The following ADAR variants were observed in gnomAD, a reference collection of about 807,000 sequenced individuals.
The protein encoded by ADAR is adenosine deaminase RNA specific.
In ADAR, 41 loss-of-function variants were observed where a neutral mutation model predicts 113.2. The ratio of observed to expected loss-of-function variants is 0.36; its 90% CI spans 0.28 to 0.47. ADAR has a LOEUF of 0.47. Among genes scored for constraint, ADAR ranks in the 20% least tolerant of loss-of-function variants. The probability of loss-of-function intolerance (pLI) is 1.00; values close to 1 mark genes in which losing one functional copy is unlikely to be tolerated. For synonymous variants in ADAR, 605 were observed against 572.6 expected, an observed-to-expected ratio of 1.06 and a Z score of -0.81; for missense variants, 1,242 against 1,540.9, an observed-to-expected ratio of 0.81 and a Z score of 3.25.
intron 6 of ADAR, among the ~76,000 whole-genome samples, chr1:154,591,410 A>G (rs1385512372): frequency 6.6e-6 from 1 of 152,264 alleles, no homozygotes; most frequent in Non-Finnish European, 1.5e-5. Flanking sequence ...GGTCGGCCTT[A>G]GGCCAGGGAC....
At chr1:154,618,271 C>T (rs1698689092) in intron 1 of ADAR, among the ~76,000 whole-genome samples, 1 of 151,790 alleles carries the variant, frequency 6.6e-6, no homozygotes, top group Non-Finnish European at 1.5e-5. Context: ...TGGAAAATTA[C>T]AAAACTCTGC....
chr1:154,598,132 TC>T (rs1697627592), intron 3 of ADAR, among the ~76,000 whole-genome samples, 156 bp from the exon 4 acceptor site: 1 of 152,204 alleles, frequency 6.6e-6, no homozygotes, highest in African/African-American at 2.4e-5. Flanking sequence ...TCATTCCGCA[TC>T]TTCCAAGAGA....
Position 154,589,802 on chromosome 1 carries a change from T to C in ADAR, c.2623A>G (p.Lys875Glu). The C allele has an allele frequency of 1.9e-6, 3 of 1,614,084 alleles. No homozygotes were observed. Among genetic ancestry groups the C allele is most frequent in the Non-Finnish European group, 2.5e-6 (3 of 1,180,016 alleles). Residue 875 changes from lysine to glutamate, a missense_variant, in exon 8 of 15, where the codon AAA (lysine) becomes GAA (glutamate). Lys to Glu is a moderately conservative substitution (Grantham distance 56, BLOSUM62 1). This residue lies in a region of ADAR where 780 missense variants were observed against 1,057.9 expected (regional missense o/e 0.74). Transcript: ENST00000368474. ...ACACCCATGTCCTCAGAGTCTTTTTTCATAATGATGGCGGCCAGAATCTTG... is the reference window on the plus strand; with the variant it reads ...ACACCCATGTCCTCAGAGTCTTTTTCCATAATGATGGCGGCCAGAATCTTG... ...GRKILAAIIM[K>E]KDSEDMGVVV...
At chr1:154,588,373 G>A (rs1396906628) in intron 10 of ADAR, 115 bp from the exon 11 acceptor site, 2 of 1,538,630 alleles carry the variant, frequency 1.3e-6, no homozygotes, top group African/African-American at 2.7e-5. Context: ...CCTACCATGG[G>A]AGACTGGAGG....
chr1:154,607,569 G>A (rs1698277441), intron 1 of ADAR, among the ~76,000 whole-genome samples: 2 of 152,136 alleles, frequency 1.3e-5, no homozygotes, highest in Non-Finnish European at 2.9e-5. Flanking sequence ...AAAGGGAGAC[G>A]ATGTGTCTGC....
In ADAR at chr1:154,598,490, A is replaced by G. The variant is rs1158582131; in HGVS notation, c.1697T>C (p.Met566Thr). 1 of 1,614,066 alleles carries G rather than the reference A, an allele frequency of 6.2e-7. No individual in the cohort carries two copies. The highest frequency in any genetic ancestry group is 8.5e-7 in the Non-Finnish European group (1 of 1,180,042). The stretch of plus-strand genomic sequence containing the variant: ...TTTGGCTTCCTCTAGCAGAATTGTC[A>G]TGGCTTTCATAGCTGCATCCTGCTT... ...VAKQDAAMKA[M>T]TILLEEAKAK... The change falls in exon 3 of 15, where the codon ATG (methionine) becomes ACG (threonine). Residue 566 changes from methionine to threonine, a missense_variant. Transcript: ENST00000368474.
Position 154,601,703 on chromosome 1 carries a change from G to A in ADAR, c.939C>T (p.Ser313=). Residue 313 remains serine (S), a synonymous_variant, in exon 2 of 15, where the codon TCC becomes TCT. Coordinates refer to ENST00000368474, the MANE Select transcript of ADAR (RefSeq NM_001111.5). This position sits in a 1 kb window ranked among gnomAD's most constrained non-coding sequence, Gnocchi z 4.7. ...ICDYLFNVSD[S]SALNLAKNIG... is the part of the protein sequence containing the mutation. Reference sequence around the variant, plus strand: ...TATTTTTAGCCAAATTCAGGGCAGAGGAGTCAGACACATTGAAGAGATAGT... The same window carrying A: ...TATTTTTAGCCAAATTCAGGGCAGAAGAGTCAGACACATTGAAGAGATAGT... 2 of 1,614,210 alleles carry A rather than the reference G, an allele frequency of 1.2e-6. No individual in the cohort carries two copies. The highest frequency in any genetic ancestry group is 1.1e-5 in the South Asian group (1 of 91,090).
At chr1:154,589,723 C>A in intron 8 of ADAR, 34 bp downstream of exon 8, 1 of 1,613,896 alleles carries the variant, frequency 6.2e-7, no homozygotes, top group South Asian at 1.1e-5. Context: ...TTTCAGGCGC[C>A]ATGGGAGGCG....
chr1:154,614,969 A>G (rs1012869403), intron 1 of ADAR, among the ~76,000 whole-genome samples: 6 of 152,244 alleles, frequency 3.9e-5, no homozygotes, highest in African/African-American at 1.4e-4. Flanking sequence ...CACAGAGGAA[A>G]AGGCCATGTG....
upstream of ADAR, among the ~76,000 whole-genome samples, chr1:154,609,654 T>C (rs551049639): frequency 6.6e-6 from 1 of 152,316 alleles, no homozygotes; most frequent in East Asian, 1.9e-4. Context: ...TGTGGTTTCC[T>C]ACTCCATGCT....
chr1:154,617,974 C>T (rs897260871), intron 1 of ADAR, among the ~76,000 whole-genome samples: 4 of 151,476 alleles, frequency 2.6e-5, no homozygotes, highest in Non-Finnish European at 5.9e-5. Context: ...AGAACCAATA[C>T]CAGTCAAGGA....
intron 7 of ADAR, 124 bp from the exon 8 acceptor site, chr1:154,590,052 T>C (rs1697026735): frequency 3.4e-6 from 5 of 1,477,688 alleles, no homozygotes; most frequent in Non-Finnish European, 3.7e-6. Context: ...ACATCTAGTG[T>C]CCCAGTTACT....
At chr1:154,593,966 T>C (rs1241438297) in intron 6 of ADAR, among the ~76,000 whole-genome samples, 1 of 151,998 alleles carries the variant, frequency 6.6e-6, no homozygotes, top group Non-Finnish European at 1.5e-5. Context: ...TCACTGCAAC[T>C]TCCGCCTCCT....
chr1:154,599,426 G>A (rs1463604410), intron 2 of ADAR, among the ~76,000 whole-genome samples: 2 of 152,194 alleles, frequency 1.3e-5, no homozygotes, highest in East Asian at 3.8e-4. Flanking sequence ...TGGGGAGGAG[G>A]GATGGAGGCA....
intron 1 of ADAR, among the ~76,000 whole-genome samples, chr1:154,613,564 C>T (rs974738932): frequency 2.6e-5 from 4 of 152,050 alleles, no homozygotes; most frequent in East Asian, 1.9e-4. Flanking sequence ...GGATTACAGG[C>T]GTGAACCATT....
intron 2 of ADAR, 81 bp downstream of exon 2, chr1:154,600,960 G>C: frequency 6.3e-7 from 1 of 1,586,824 alleles, no homozygotes. Flanking sequence ...AAACAGCACT[G>C]CTCACAAATC....
At chr1:154,590,510 A>C in intron 6 of ADAR, 101 bp from the exon 7 acceptor site, 1 of 1,111,016 alleles carries the variant, frequency 9.0e-7, no homozygotes, top group Non-Finnish European at 1.4e-6. Flanking sequence ...TTGCAAACAT[A>C]TGGACCCGTC....
intron 6 of ADAR, among the ~76,000 whole-genome samples, chr1:154,591,553 C>T (rs531887522): frequency 6.6e-6 from 1 of 152,330 alleles, no homozygotes; most frequent in South Asian, 2.1e-4. Context: ...TGGCTTCTAC[C>T]GCTCCGGCTG....
intron 6 of ADAR, among the ~76,000 whole-genome samples, chr1:154,596,029 C>T (rs894210341): frequency 3.0e-4 from 45 of 152,114 alleles, no homozygotes; most frequent in Non-Finnish European, 1.5e-4. Context: ...TAGGAGCAAC[C>T]GGCCATACCA....
Sources: gnomAD v4.1 joint callset for allele counts (sites outside exome capture counted in the v4.1 genomes callset) on GRCh38, gnomAD v4.1.1 for gene constraint, gnomAD v4.1.1 regional missense constraint, Gnocchi (gnomAD v3.1) non-coding constraint, MANE v1.5 for transcripts, NCBI Gene and HGNC (gene_info 2026-07-23, HGNC 2026-07-21) for gene names.